Variants in EXOC3L4 observed in about 807,000 individuals in gnomAD.
The protein encoded by EXOC3L4 is exocyst complex component 3 like 4.
A neutral mutation model predicts 69.7 loss-of-function variants in EXOC3L4; 62 were observed. The observed-to-expected ratio is 0.89, with a 90% confidence interval of 0.72 to 1.10. The LOEUF (loss-of-function observed/expected upper bound fraction) is 1.10, where lower values mean the gene tolerates loss of function less well. EXOC3L4 is among the 50% of genes least tolerant of loss of function. The pLI is 0.00. For missense variants in EXOC3L4, 1,087 were observed against 1,034.8 expected, an observed-to-expected ratio of 1.05 and a Z score of -0.69; for synonymous variants, 502 against 464.2, an observed-to-expected ratio of 1.08 and a Z score of -1.05.
At chr14:103,107,888 C>T (rs936703764) in intron 10 of EXOC3L4, 105 bp downstream of exon 10, 2 of 1,421,964 alleles carry the variant, frequency 1.4e-6, no homozygotes, top group Non-Finnish European at 1.9e-6. Context: ...GTGGTTCTCC[C>T]CACTCTGGAT....
chr14:103,110,415 C>T lies in EXOC3L4; in HGVS notation c.*192C>T, dbSNP rs777619222. The stretch of plus-strand genomic sequence containing the variant: ...GCCGTGCAGGAGGCATTTCAGGCAT[C>T]GTTGAGGGGAGTGTTTTGGGGCCGC... On this transcript the variant is annotated 3_prime_UTR_variant, in exon 12 of 12. Transcript: ENST00000688303. 27 of 728,818 alleles carry T rather than the reference C, an allele frequency of 3.7e-5. No individual in the cohort carries two copies. Among genetic ancestry groups the T allele is most frequent in the Middle Eastern group, 4.6e-4 (2 of 4,380 alleles). 45.1% of individuals were successfully genotyped at this position (728,818 alleles called of 1,614,324 possible).
At chr14:103,094,475 G>A (rs892205686), upstream of EXOC3L4, among the ~76,000 whole-genome samples, 5 of 152,170 alleles carry the variant, frequency 3.3e-5, no homozygotes, top group Admixed American at 3.3e-4. Flanking sequence ...GTGGCAGGCA[G>A]CGTCCACCCC....
At chr14:103,104,119 C>A in intron 4 of EXOC3L4, 67 bp downstream of exon 4, 1 of 1,450,704 alleles carries the variant, frequency 6.9e-7, no homozygotes, top group Admixed American at 2.6e-5. Flanking sequence ...GGATGTGCGG[C>A]GCCCAGGCTA....
At chr14:103,105,229 G>A (rs1178127345) in intron 7 of EXOC3L4, among the ~76,000 whole-genome samples, 157 bp downstream of exon 7, 1 of 148,804 alleles carries the variant, frequency 6.7e-6, no homozygotes, top group Non-Finnish European at 1.5e-5. Flanking sequence ...TCTGAGGGGT[G>A]TGTGTGCGTG....
rs752095480 is a variant in EXOC3L4, at chr14:103,110,172, C to T, written c.2118C>T (p.Phe706=). The T allele has an allele frequency of 4.8e-5, 74 of 1,533,080 alleles. No homozygotes were observed. In the East Asian group the frequency reaches 8.8e-4, roughly 18 times the overall value. The allele number at this position is 1,533,080 out of a possible 1,614,324, so 95.0% of individuals were successfully genotyped here. ...AGGCCCCTCGGGGCCGCGTGCTCTTCGAGGAGATCAAGGTGCCCAGTGCCA... is the reference window on the plus strand; with the variant it reads ...AGGCCCCTCGGGGCCGCGTGCTCTTTGAGGAGATCAAGGTGCCCAGTGCCA... ...GAEAPRGRVL[F]EEIKVPSAMA... Residue 706 remains phenylalanine (F), a synonymous_variant, in exon 12 of 12, where the codon TTC becomes TTT. Coordinates refer to ENST00000688303, the MANE Select transcript of EXOC3L4 (RefSeq NM_001077594.2).
Position 103,108,885 on chromosome 14 carries a change from A to G in EXOC3L4, c.1976+368A>G, listed in dbSNP as rs947972500. On this transcript the variant is annotated intron_variant, in intron 11 of 11. Coordinates refer to ENST00000688303, the MANE Select transcript of EXOC3L4 (RefSeq NM_001077594.2). ...GGTTGTGCTGGGGGGTCGGTGAGTC[A>G]TCCAAGCCTTTGGAAATCCCAGCTC... Among the ~76,000 whole-genome samples the G allele has an allele frequency of 2.0e-5, 3 of 152,190 alleles. No homozygotes were observed. In the South Asian group the frequency reaches 6.2e-4, roughly 32 times the overall value.
At chr14:103,107,575 G>A (rs199888871) in intron 9 of EXOC3L4, 32 bp downstream of exon 9, 4 of 1,612,382 alleles carry the variant, frequency 2.5e-6, no homozygotes, top group Non-Finnish European at 3.4e-6. Context: ...TGGCAGGGCT[G>A]TGCCCAGGAT....
At chr14:103,109,992 A>G in intron 11 of EXOC3L4, 39 bp from the exon 12 acceptor site, 3 of 1,536,268 alleles carry the variant, frequency 2.0e-6, no homozygotes, top group Non-Finnish European at 2.6e-6. Flanking sequence ...GGTGTTGCGG[A>G]GGTGTAGGTC....
intron 7 of EXOC3L4, among the ~76,000 whole-genome samples, chr14:103,105,329 T>C (rs1890484591): frequency 6.6e-6 from 1 of 150,768 alleles, no homozygotes; most frequent in South Asian, 2.1e-4. Flanking sequence ...GCTGAGGCTG[T>C]GTGTGTGCGT....
chr14:103,105,729 G>A (rs897806136), intron 7 of EXOC3L4, among the ~76,000 whole-genome samples: 1 of 152,222 alleles, frequency 6.6e-6, no homozygotes. Flanking sequence ...TGGGCTGGCA[G>A]TAGCTGTTGG....
chr14:103,095,701 C>T (rs1448251763), intron 1 of EXOC3L4, among the ~76,000 whole-genome samples: 1 of 152,222 alleles, frequency 6.6e-6, no homozygotes, highest in Non-Finnish European at 1.5e-5. Context: ...TTTGTTGCTA[C>T]TGTGAAGGGA....
intron 3 of EXOC3L4, 26 bp from the exon 4 acceptor site, chr14:103,103,915 C>A: frequency 6.6e-7 from 1 of 1,508,636 alleles, no homozygotes; most frequent in Non-Finnish European, 8.9e-7. Flanking sequence ...CCGCTCCCGC[C>A]CCCAGCCCCC....
At position 103,102,446 on chromosome 14, in the gene EXOC3L4, G is replaced by A. The variant is rs1326511008; in HGVS notation, c.723G>A (p.Trp241Ter). ...ACTTCCTGCGCACGCCGCGCCGCTG[G>A]CGCCAGCACTGGGAGGAGGCGGTGC... Reference protein sequence around the residue: ...DGDFLRTPRRWRQHWEEAVRR... With the variant: ...DGDFLRTPRR Residue 241 changes from tryptophan to a stop codon, truncating the protein, a stop_gained, in exon 3 of 12, where the codon TGG becomes TGA. Transcript: ENST00000688303. LOFTEE classifies it high-confidence loss of function. 6.7e-7 allele frequency: 1 copy of A among 1,501,684 alleles called. No homozygotes were observed. The highest frequency in any genetic ancestry group is 2.6e-5 in the East Asian group (1 of 37,738). The allele number at this position is 1,501,684 out of a possible 1,614,324, so 93.0% of individuals were successfully genotyped here. A position where few individuals can be genotyped will look rare whatever the true frequency, so the allele number is the denominator to read the frequency against.
At chr14:103,103,715 A>C (rs192282346) in intron 3 of EXOC3L4, 4 of 527,338 alleles carry the variant, frequency 7.6e-6, no homozygotes, top group Non-Finnish European at 1.0e-5. Context: ...GCCGTCCTTC[A>C]GCGTTCTGCA....
chr14:103,107,575 G>C, intron 9 of EXOC3L4, 32 bp downstream of exon 9: 1 of 1,612,382 alleles, frequency 6.2e-7, no homozygotes. Context: ...TGGCAGGGCT[G>C]TGCCCAGGAT....
chr14:103,103,845 C>T (rs1194296330), intron 3 of EXOC3L4, 96 bp from the exon 4 acceptor site: 3 of 704,568 alleles, frequency 4.3e-6, no homozygotes, highest in African/African-American at 1.9e-5. Flanking sequence ...TGCCCAGGTT[C>T]GGGATTGGCG....
intron 3 of EXOC3L4, among the ~76,000 whole-genome samples, chr14:103,103,176 C>T (rs1371386202): frequency 6.6e-6 from 1 of 152,006 alleles, no homozygotes; most frequent in Non-Finnish European, 1.5e-5. Flanking sequence ...TCAGCCTGGC[C>T]AACACGGTGA....
At chr14:103,108,716 C>T (rs763591813) in intron 11 of EXOC3L4, among the ~76,000 whole-genome samples, 199 bp downstream of exon 11, 17 of 152,086 alleles carry the variant, frequency 1.1e-4, no homozygotes, top group Non-Finnish European at 1.9e-4. Flanking sequence ...TCTTGGCCAT[C>T]CTCCATCAGC....
chr14:103,103,795 C>CGTGTGTGTGT (rs1177907237), intron 3 of EXOC3L4, 146 bp from the exon 4 acceptor site: 365 of 442,208 alleles, frequency 8.3e-4, no homozygotes, highest in South Asian at 1.0e-3. Flanking sequence ...GAGGCGCGCG[C>CGTGTGTGTGT]GCGTGTGTGT....
Sources: gnomAD v4.1 joint callset for allele counts (sites outside exome capture counted in the v4.1 genomes callset) on GRCh38, gnomAD v4.1.1 for gene constraint, MANE v1.5 for transcripts, NCBI Gene and HGNC (gene_info 2026-07-23, HGNC 2026-07-21) for gene names.